The following ANO4 variants were observed in gnomAD, a reference collection of about 807,000 sequenced individuals.
ANO4 encodes anoctamin 4.
ANO4 carries 69 observed loss-of-function variants against 141.9 expected under a neutral mutation model. The ratio of observed to expected loss-of-function variants is 0.49; its 90% CI spans 0.40 to 0.59. The LOEUF (loss-of-function observed/expected upper bound fraction) is 0.59. ANO4 is among the 20% of genes least tolerant of loss of function. The pLI, the probability that ANO4 is intolerant of heterozygous loss-of-function variation, is 0.00. For missense variants in ANO4, 894 were observed against 1,162.2 expected (o/e 0.77, Z 3.36); for synonymous variants, 350 against 394.3 (o/e 0.89, Z 1.33).
At chr12:100,968,459 ACT>A (rs1028675147) in intron 5 of ANO4, among the ~76,000 whole-genome samples, 2 of 151,640 alleles carry the variant, frequency 1.3e-5, no homozygotes, top group Non-Finnish European at 2.9e-5. Flanking sequence ...TAATTCAGTG[ACT>A]CTATCACATT....
chr12:100,819,069 GTA>G (rs1374484740), intron 1 of ANO4, among the ~76,000 whole-genome samples: 2 of 149,866 alleles, frequency 1.3e-5, no homozygotes, highest in East Asian at 3.9e-4. Flanking sequence ...ATGTATGTGT[GTA>G]TATATATATT....
chr12:100,819,358 T>C (rs1371914795), intron 1 of ANO4, among the ~76,000 whole-genome samples: 1 of 151,796 alleles, frequency 6.6e-6, no homozygotes, highest in African/African-American at 2.4e-5. Context: ...GCAATATAGA[T>C]AGGAAAGGGG....
intron 1 of ANO4, among the ~76,000 whole-genome samples, chr12:100,860,984 A>C (rs2038440610): frequency 6.6e-6 from 1 of 152,214 alleles, no homozygotes. Flanking sequence ...GAGCAACAGC[A>C]AGATTTATTG....
At chr12:101,027,355 G>T (rs575736815) in intron 9 of ANO4, among the ~76,000 whole-genome samples, 3 of 152,168 alleles carry the variant, frequency 2.0e-5, no homozygotes, top group African/African-American at 7.2e-5. Flanking sequence ...TGCGGGGAGG[G>T]GTGACCAGTG....
intron 2 of ANO4, among the ~76,000 whole-genome samples, chr12:100,919,716 GTA>G (rs2041527920): frequency 7.3e-6 from 1 of 137,668 alleles, no homozygotes; most frequent in East Asian, 2.0e-4. Flanking sequence ...ATGTATGTAT[GTA>G]TGTATGTGTG....
At chr12:100,718,461 G>A (rs1487070745) in intron 1 of ANO4, among the ~76,000 whole-genome samples, 1 of 152,176 alleles carries the variant, frequency 6.6e-6, no homozygotes, top group Non-Finnish European at 1.5e-5. Context: ...GATGGGGAAT[G>A]TTCTGCAGGG....
chr12:100,733,750 T>G (rs1221044744), intron 1 of ANO4: 1 of 696,202 alleles, frequency 1.4e-6, no homozygotes, highest in East Asian at 2.7e-5. Context: ...TAATTAACCT[T>G]CTTGTCTTTT....
intron 5 of ANO4, among the ~76,000 whole-genome samples, chr12:100,962,426 G>A (rs1192870616): frequency 6.6e-6 from 1 of 152,122 alleles, no homozygotes; most frequent in Admixed American, 6.5e-5. Context: ...TTATATCGCG[G>A]CTGAAGAGAT....
chr12:101,106,524 T>G (rs2050447456), intron 22 of ANO4, among the ~76,000 whole-genome samples: 1 of 150,736 alleles, frequency 6.6e-6, no homozygotes, highest in South Asian at 2.1e-4. Flanking sequence ...ACATGATATA[T>G]GCACTATGTA....
chr12:101,099,796 G>A (rs201583544), intron 22 of ANO4, 76 bp downstream of exon 22: 44 of 1,284,482 alleles, frequency 3.4e-5, no homozygotes, highest in East Asian at 8.1e-5. Context: ...ACATATACCC[G>A]TTATCATCAA....
intron 6 of ANO4, 110 bp downstream of exon 6, chr12:100,971,516 G>T: frequency 1.4e-6 from 1 of 690,308 alleles, no homozygotes; most frequent in East Asian, 2.8e-5. Context: ...GGCCATTAGA[G>T]GAGGGAATCT....
chr12:100,795,470 C>T (rs1283380463), intron 1 of ANO4, among the ~76,000 whole-genome samples: 2 of 152,140 alleles, frequency 1.3e-5, no homozygotes, highest in African/African-American at 2.4e-5. Flanking sequence ...TGAGCACACA[C>T]GTGTGAGTTA....
At chr12:101,121,117 G>A (rs773599243) in intron 26 of ANO4, among the ~76,000 whole-genome samples, 21 of 151,964 alleles carry the variant, frequency 1.4e-4, no homozygotes, top group Non-Finnish European at 2.8e-4. Context: ...GTGCAAGTTT[G>A]TTACAAAGTT....
intron 1 of ANO4, among the ~76,000 whole-genome samples, chr12:100,827,690 G>A (rs1451610120): frequency 1.3e-5 from 2 of 151,876 alleles, no homozygotes; most frequent in Non-Finnish European, 2.9e-5. Context: ...TCATTTATCA[G>A]ATTATTATTT....
intron 14 of ANO4, among the ~76,000 whole-genome samples, chr12:101,059,731 C>T (rs2048270623): frequency 6.6e-6 from 1 of 152,124 alleles, no homozygotes; most frequent in Non-Finnish European, 1.5e-5. Flanking sequence ...GTTATATCCC[C>T]TTTATCATTT....
At chr12:100,960,011 A>T (rs1262065073) in intron 5 of ANO4, among the ~76,000 whole-genome samples, 2 of 152,082 alleles carry the variant, frequency 1.3e-5, no homozygotes, top group African/African-American at 4.8e-5. Flanking sequence ...CAGATAACAG[A>T]AGCTGCATCC....
At chr12:100,994,022 T>C (rs759330388) in intron 8 of ANO4, among the ~76,000 whole-genome samples, 6 of 152,120 alleles carry the variant, frequency 3.9e-5, no homozygotes, top group Non-Finnish European at 7.4e-5. Context: ...CTGTGCAGTG[T>C]AGGATAGTAA....
chr12:101,027,002 A>G (rs1031874949), intron 9 of ANO4, among the ~76,000 whole-genome samples: 28 of 152,218 alleles, frequency 1.8e-4, no homozygotes, highest in African/African-American at 6.8e-4. Context: ...AAGAACCATC[A>G]TTAATGTGTG....
chr12:101,042,057 A>T (rs1218887595), intron 11 of ANO4, among the ~76,000 whole-genome samples: 1 of 151,824 alleles, frequency 6.6e-6, no homozygotes, highest in Non-Finnish European at 1.5e-5. Flanking sequence ...CCCTTTGCCC[A>T]CTCCGGCCCC....
Sources: gnomAD v4.1 joint callset for allele counts (sites outside exome capture counted in the v4.1 genomes callset) on GRCh38, gnomAD v4.1.1 for gene constraint, MANE v1.5 for transcripts, NCBI Gene and HGNC (gene_info 2026-07-23, HGNC 2026-07-21) for gene names.